Variants in NECAP2 observed in about 807,000 individuals in gnomAD.
The protein encoded by NECAP2 is adaptin ear-binding coat-associated protein 2.
NECAP2 carries 38 observed loss-of-function variants against 37.8 expected under a neutral mutation model. The observed-to-expected ratio is 1.01, with a 90% confidence interval of 0.78 to 1.32. The LOEUF (loss-of-function observed/expected upper bound fraction) is 1.32, where lower values mean the gene tolerates loss of function less well. Among genes scored for constraint, NECAP2 ranks in the 40% most tolerant of loss-of-function variants. NECAP2 has a pLI of 0.00. For missense variants in NECAP2, 316 were observed against 334.5 expected (o/e 0.94, Z 0.43); for synonymous variants, 121 against 127.7 (o/e 0.95, Z 0.35).
In NECAP2 at chr1:16,454,186, A is replaced by G. The variant is rs1003955244; in HGVS notation, c.668-1632A>G. Reference sequence around the variant, plus strand: ...GCGACTCTCCTGCCTCAGCCTCCCAAGTAGCTGGGATTACAGGCATGCGCC... The same window carrying G: ...GCGACTCTCCTGCCTCAGCCTCCCAGGTAGCTGGGATTACAGGCATGCGCC... On this transcript the variant is annotated intron_variant, in intron 6 of 7. Transcript: ENST00000337132. 7.9e-5 allele frequency among the ~76,000 whole-genome samples: 12 copies of G among 151,658 alleles called. 1 individual carries two copies. The highest frequency in any genetic ancestry group is 1.5e-5 in the Non-Finnish European group (1 of 67,976).
intron 7 of NECAP2, among the ~76,000 whole-genome samples, chr1:16,458,225 T>G (rs935790583): frequency 6.6e-6 from 1 of 152,194 alleles, no homozygotes; most frequent in Non-Finnish European, 1.5e-5. Context: ...TCAGTCAGAT[T>G]TGCTTCAGCC....
At chr1:16,450,121 G>C in intron 5 of NECAP2, 1 of 445,030 alleles carries the variant, frequency 2.2e-6, no homozygotes. Flanking sequence ...TGGGATCCTT[G>C]AAGTTGGCCA....
intron 5 of NECAP2, chr1:16,451,509 A>T (rs1037720641): frequency 1.0e-5 from 3 of 287,328 alleles, no homozygotes; most frequent in Non-Finnish European, 2.0e-5. Context: ...CAGCGCGTGA[A>T]TGGTTACTTC....
intron 4 of NECAP2, among the ~76,000 whole-genome samples, chr1:16,448,634 G>T (rs559721920): frequency 6.6e-6 from 1 of 152,158 alleles, no homozygotes; most frequent in Non-Finnish European, 1.5e-5. Context: ...GGTGCTGCTG[G>T]GTGGTGTGGT....
At chr1:16,442,061 C>T (rs892310993) in intron 1 of NECAP2, among the ~76,000 whole-genome samples, 1 of 151,438 alleles carries the variant, frequency 6.6e-6, no homozygotes. Context: ...TCACTGCAAC[C>T]TCCGCCTCCC....
At position 16,440,796 on chromosome 1, in the gene NECAP2, T is replaced by A. The variant is rs1189785950; in HGVS notation, c.35T>A (p.Val12Asp). ...EESGYESVLC[V>D]KPDVHVYRIP... ...AGCGGGTACGAGTCGGTGCTCTGTG[T>A]CAAGCCTGACGTCCACGTCTACCGC... The change falls in exon 1 of 8, where the codon GTC becomes GAC. Residue 12 changes from valine to aspartate, a missense_variant. Coordinates refer to ENST00000337132, the MANE Select transcript of NECAP2 (RefSeq NM_018090.5). 6.2e-7 allele frequency: 1 copy of A among 1,614,140 alleles called. No individual in the cohort carries two copies. Among genetic ancestry groups the A allele is most frequent in the East Asian group, 2.2e-5 (1 of 44,870 alleles).
chr1:16,457,316 C>T (rs1570276805), intron 7 of NECAP2, among the ~76,000 whole-genome samples: 1 of 151,956 alleles, frequency 6.6e-6, no homozygotes, highest in Admixed American at 6.6e-5. Flanking sequence ...ATTAGTTGGG[C>T]GTGGTGGGGT....
At chr1:16,452,093 C>A (rs2086852979) in intron 6 of NECAP2, 78 bp downstream of exon 6, 2 of 1,398,358 alleles carry the variant, frequency 1.4e-6, no homozygotes, top group East Asian at 2.3e-5. Flanking sequence ...CCATGGTTTC[C>A]CCCCCGTTAC....
intron 6 of NECAP2, chr1:16,455,573 C>T (rs1025062853): frequency 4.0e-6 from 2 of 500,358 alleles, no homozygotes; most frequent in African/African-American, 3.8e-5. Flanking sequence ...CCCCTCGTTC[C>T]ACCTTGTATG....
chr1:16,452,025 C>A lies in NECAP2; in HGVS notation c.667+10C>A. 1 of 1,554,838 alleles carries A rather than the reference C, an allele frequency of 6.4e-7. No homozygotes were observed. Among genetic ancestry groups the A allele is most frequent in the South Asian group, 1.2e-5 (1 of 81,250 alleles). ...GTTGCTCCCAGTTCAGGTTAGTGCT[C>A]AGTGGGTGACTGCTGCATCAGTACC... On this transcript the variant is annotated intron_variant, in intron 6 of 7. Coordinates refer to ENST00000337132, the MANE Select transcript of NECAP2 (RefSeq NM_018090.5).
intron 2 of NECAP2, among the ~76,000 whole-genome samples, chr1:16,447,041 CAG>C (rs1431174082): frequency 4.3e-5 from 6 of 140,070 alleles, no homozygotes; most frequent in Non-Finnish European, 9.1e-5. Context: ...GCCTGGGTGA[CAG>C]AGGGAGACTC....
intron 5 of NECAP2, 49 bp downstream of exon 5, chr1:16,449,250 C>T: frequency 7.6e-7 from 1 of 1,310,908 alleles, no homozygotes. Context: ...TTGTGGCCAC[C>T]CAGCCCCAGA....
rs778984499 is a variant in NECAP2 at position 16,451,992 on chromosome 1, A to G, written c.644A>G (p.Gln215Arg). ...EQLAVGGSLV[Q>R]PAVAPSSGGA... Reference sequence around the variant, plus strand: ...TTGGCTGTGGGGGGATCCCTCGTCCAGCCAGCAGTTGCTCCCAGTTCAGGT... The same window carrying G: ...TTGGCTGTGGGGGGATCCCTCGTCCGGCCAGCAGTTGCTCCCAGTTCAGGT... The change falls in exon 6 of 8, where the codon CAG becomes CGG. Residue 215 changes from glutamine to arginine, a missense_variant. Physicochemically the swap from Gln to Arg is conservative, Grantham distance 43. This residue lies in a region of NECAP2 where 204 missense variants were observed against 188.6 expected (regional missense o/e 1.08). Transcript: ENST00000337132. 3.1e-6 allele frequency: 5 copies of G among 1,600,610 alleles called. No individual in the cohort carries two copies. The East Asian group carries it at 1.1e-4, about 36-fold the overall frequency.
At chr1:16,458,391 C>T (rs1319567585) in intron 7 of NECAP2, among the ~76,000 whole-genome samples, 2 of 151,962 alleles carry the variant, frequency 1.3e-5, no homozygotes, top group Non-Finnish European at 1.5e-5. Flanking sequence ...CACTTGAGGC[C>T]AGGAGTTCGA....
At chr1:16,448,165 G>C (rs117372261) in intron 4 of NECAP2, 24 bp downstream of exon 4, 2 of 1,581,914 alleles carry the variant, frequency 1.3e-6, no homozygotes, top group Non-Finnish European at 1.7e-6. Context: ...GGAGACACAC[G>C]CTCATGCCCC....
chr1:16,455,814 A>C lies in NECAP2; in HGVS notation c.668-4A>C. On this transcript the variant is annotated splice_polypyrimidine_tract_variant and splice_region_variant and intron_variant, in intron 6 of 7. Transcript: ENST00000337132. Reference sequence around the variant, plus strand: ...CTACGGGTCGGACTCGGGAACATCAATAGGAGGTGCTCCTGTACCCTGGCC... The same window carrying C: ...CTACGGGTCGGACTCGGGAACATCACTAGGAGGTGCTCCTGTACCCTGGCC... 6.2e-7 allele frequency: 1 copy of C among 1,613,270 alleles called. No individual in the cohort carries two copies.
chr1:16,456,809 C>T (rs896088816), intron 7 of NECAP2, among the ~76,000 whole-genome samples: 1 of 152,234 alleles, frequency 6.6e-6, no homozygotes, highest in African/African-American at 2.4e-5. Context: ...TCACGGCTTA[C>T]TGCAACCACA....
Position 16,451,924 on chromosome 1 carries a change from A to AG in NECAP2, c.582dup (p.Lys195GlufsTer44). 6.2e-7 allele frequency: 1 copy of AG among 1,613,782 alleles called. No homozygotes were observed. The highest frequency in any genetic ancestry group is 8.5e-7 in the Non-Finnish European group (1 of 1,179,750). On this transcript the variant is annotated frameshift_variant, in exon 6 of 8. Transcript: ENST00000337132. LOFTEE classifies it high-confidence loss of function. ...GGCTGAGCCTGCTTCCCCCTCCCCC[A>AG]GGGGGGAAAACCTCCACCCTGATCC...
In NECAP2 at chr1:16,451,783, G is replaced by A. The variant is rs2100961549; in HGVS notation, c.490-55G>A. The A allele has an allele frequency of 5.0e-6, 8 of 1,604,366 alleles. No individual in the cohort carries two copies. The East Asian group carries it at 1.3e-4, about 27-fold the overall frequency. On this transcript the variant is annotated intron_variant, in intron 5 of 7. Coordinates refer to ENST00000337132, the MANE Select transcript of NECAP2 (RefSeq NM_018090.5). Reference sequence around the variant, plus strand: ...TTGGCCCTCCTTGTGGGGTTTTCTGGTAGCATTGGGACTCCAGCAGAACGG... The same window carrying A: ...TTGGCCCTCCTTGTGGGGTTTTCTGATAGCATTGGGACTCCAGCAGAACGG...
Sources: gnomAD v4.1 joint callset for allele counts (sites outside exome capture counted in the v4.1 genomes callset) on GRCh38, gnomAD v4.1.1 for gene constraint, gnomAD v4.1.1 regional missense constraint, MANE v1.5 for transcripts, NCBI Gene and HGNC (gene_info 2026-07-23, HGNC 2026-07-21) for gene names.